The following CROCC2 variants were observed in gnomAD, a reference collection of about 807,000 sequenced individuals.
CROCC2 encodes the protein ciliary rootlet coiled-coil protein 2.
CROCC2 carries 163 observed loss-of-function variants against 177.6 expected under a neutral mutation model. The ratio of observed to expected loss-of-function variants is 0.92; its 90% CI spans 0.81 to 1.05. The LOEUF (loss-of-function observed/expected upper bound fraction) is 1.05. Among genes scored for constraint, CROCC2 ranks in the 50% least tolerant of loss-of-function variants. The pLI, the probability that CROCC2 is intolerant of heterozygous loss-of-function variation, is 0.00. For synonymous variants in CROCC2, 904 were observed against 787.3 expected (o/e 1.15, Z -2.48); for missense variants, 1,929 against 1,797.8 (o/e 1.07, Z -1.32).
At chr2:240,936,268 C>T (rs957549978) in intron 14 of CROCC2, among the ~76,000 whole-genome samples, 3 of 152,154 alleles carry the variant, frequency 2.0e-5, no homozygotes, top group East Asian at 3.9e-4. Flanking sequence ...GCCAGGTAGC[C>T]GCCACCAGGA....
In CROCC2 at chr2:240,918,658, G is replaced by T; in HGVS notation, c.79-68G>T. On this transcript the variant is annotated intron_variant, in intron 1 of 31. Coordinates refer to ENST00000690015, the MANE Select transcript of CROCC2 (RefSeq NM_001351305.2). This position sits in a 1 kb window ranked among gnomAD's most constrained non-coding sequence, Gnocchi z 6.3. ...CCCTGTGGCGGCTCCCATTCAGTGG[G>T]ATCGTAGAGGGTGCCTGGCAGCTGT... 1.9e-6 allele frequency: 1 copy of T among 524,710 alleles called. No individual in the cohort carries two copies. The allele number at this position is 524,710 out of a possible 1,614,324, so 32.5% of individuals were successfully genotyped here.
chr2:240,933,853 G>T lies in CROCC2; in HGVS notation c.1646+1G>T. 1 of 1,542,092 alleles carries T rather than the reference G, an allele frequency of 6.5e-7. No homozygotes were observed. The highest frequency in any genetic ancestry group is 8.8e-7 in the Non-Finnish European group (1 of 1,142,556). The stretch of plus-strand genomic sequence containing the variant: ...GGAGCTGCAGGGCACTGGAGACCAG[G>T]TGCGCGGCCGTGGCTGGGTGGGCAG... On this transcript the variant is annotated splice_donor_variant, in intron 11 of 31. Coordinates refer to ENST00000690015, the MANE Select transcript of CROCC2 (RefSeq NM_001351305.2). LOFTEE classifies it high-confidence loss of function.
In CROCC2 at chr2:240,949,613, G is replaced by A. The variant is rs754680243; in HGVS notation, c.2563G>A (p.Val855Met). Residue 855 changes from valine to methionine, a missense_variant, in exon 17 of 32, where the codon GTG (valine) becomes ATG (methionine). Transcript: ENST00000690015. The surrounding 1 kb of genome is among the most constrained non-coding windows in gnomAD (Gnocchi z 4.5). ...GGACACGGTGCGGCTCCAGCGACAG[G>A]TGGCACAGCAGGAGCGGGAGGCACA... ...RQDTVRLQRQ[V>M]AQQEREAQRA... 183 of 1,550,428 alleles carry A rather than the reference G, an allele frequency of 1.2e-4. No homozygotes were observed. Among genetic ancestry groups the A allele is most frequent in the Non-Finnish European group, 2.2e-5 (25 of 1,146,966 alleles).
In CROCC2 at chr2:240,958,522, C is replaced by T. The variant is rs879903923; in HGVS notation, c.2944-779C>T. ...TGGCACAGGGGCAGCCATGTGGGCA[C>T]CTGTGCCCCCAGGAACACAAAGCCA... is the stretch of plus-strand genomic sequence containing the variant. On this transcript the variant is annotated intron_variant, in intron 19 of 31. Coordinates refer to ENST00000690015, the MANE Select transcript of CROCC2 (RefSeq NM_001351305.2). This position sits in a 1 kb window ranked among gnomAD's most constrained non-coding sequence, Gnocchi z 6.7. 66 of 976,772 alleles carry T rather than the reference C, an allele frequency of 6.8e-5. No individual in the cohort carries two copies. The highest frequency in any genetic ancestry group is 7.7e-5 in the Non-Finnish European group (63 of 822,134). The allele number at this position is 976,772 out of a possible 1,614,324, so 60.5% of individuals were successfully genotyped here. A position where few individuals can be genotyped will look rare whatever the true frequency, so the allele number is the denominator to read the frequency against.
At chr2:240,970,918 G>A (rs956637217) in intron 27 of CROCC2, among the ~76,000 whole-genome samples, 2 of 152,200 alleles carry the variant, frequency 1.3e-5, no homozygotes, top group African/African-American at 4.8e-5. Flanking sequence ...TCATGGGGTA[G>A]GCTGGGCCAC....
intron 15 of CROCC2, among the ~76,000 whole-genome samples, chr2:240,947,777 GGAGTC>G (rs2059532053): frequency 6.6e-6 from 1 of 152,102 alleles, no homozygotes; most frequent in Non-Finnish European, 1.5e-5. Flanking sequence ...CTCCCTTCAT[GGAGTC>G]CTGGCCCACT....
intron 10 of CROCC2, 57 bp from the exon 11 acceptor site, chr2:240,933,613 C>G (rs576603682): frequency 2.6e-5 from 39 of 1,515,322 alleles, no homozygotes; most frequent in Admixed American, 1.8e-4. Flanking sequence ...CACCAAGGCA[C>G]GCGGTGCACC....
rs553373051 is a variant in CROCC2 at position 240,917,358 on chromosome 2, G to A, written c.79-1368G>A. Among the ~76,000 whole-genome samples, 1 of 152,254 alleles carries A rather than the reference G, an allele frequency of 6.6e-6. No individual in the cohort carries two copies. The highest frequency in any genetic ancestry group is 1.9e-4 in the East Asian group (1 of 5,170). On this transcript the variant is annotated intron_variant, in intron 1 of 31. Transcript: ENST00000690015. This position sits in a 1 kb window ranked among gnomAD's most constrained non-coding sequence, Gnocchi z 4.9. ...GGAGGCCTGTGTCCAGGGAGCATCCGGGATAGCCAGACAGCATGCACCAGG... is the reference window on the plus strand; with the variant it reads ...GGAGGCCTGTGTCCAGGGAGCATCCAGGATAGCCAGACAGCATGCACCAGG...
At position 240,925,711 on chromosome 2, in the gene CROCC2, G is replaced by T; in HGVS notation, c.489-13G>T. The T allele has an allele frequency of 7.0e-6, 5 of 710,002 alleles. No homozygotes were observed. The highest frequency in any genetic ancestry group is 1.3e-5 in the Non-Finnish European group (5 of 381,440). 44.0% of individuals were successfully genotyped at this position (710,002 alleles called of 1,614,324 possible). ...TTCCTACCCCCACCATGCCCTGTGG[G>T]TTCTCTGTCCAGGAGCACCGGCCTC... is the stretch of plus-strand genomic sequence containing the variant. On this transcript the variant is annotated splice_polypyrimidine_tract_variant and intron_variant, in intron 4 of 31. Coordinates refer to ENST00000690015, the MANE Select transcript of CROCC2 (RefSeq NM_001351305.2).
chr2:240,991,240 G>A lies in CROCC2; in HGVS notation c.4908G>A (p.Arg1636=). 3 of 1,548,448 alleles carry A rather than the reference G, an allele frequency of 1.9e-6. No individual in the cohort carries two copies. The highest frequency in any genetic ancestry group is 2.6e-6 in the Non-Finnish European group (3 of 1,145,958). The change falls in exon 31 of 32, where the codon CGG becomes CGA. Residue 1636 remains arginine, a synonymous_variant. Transcript: ENST00000690015. ...AACTGGACCAGGAAGTGCAGTGGCG[G>A]CAACAGGCCCACCTCGGCCAGGCCT... The part of the protein sequence containing the change: ...KEQLDQEVQW[R]QQAHLGQAFQ...
chr2:240,986,019 G>C (rs1187762994), intron 28 of CROCC2: 1 of 452,736 alleles, frequency 2.2e-6, no homozygotes, highest in Non-Finnish European at 4.5e-6. Flanking sequence ...TGCACAGTTG[G>C]GCTCCTCCCT....
rs1160592254 is a variant in CROCC2, at chr2:240,914,168, C to T, written c.79-4558C>T. Among the ~76,000 whole-genome samples, 4 of 152,186 alleles carry T rather than the reference C, an allele frequency of 2.6e-5. No homozygotes were observed. In the East Asian group the frequency reaches 5.8e-4, roughly 22 times the overall value. On this transcript the variant is annotated intron_variant, in intron 1 of 31. Coordinates refer to ENST00000690015, the MANE Select transcript of CROCC2 (RefSeq NM_001351305.2). The stretch of plus-strand genomic sequence containing the variant: ...CTGCAGTGGAGCCAAGTCCAGACAC[C>T]GCCGCTGGGAAGGCTCATCAGTGAC...
intron 3 of CROCC2, among the ~76,000 whole-genome samples, chr2:240,920,588 C>T (rs1171550762): frequency 6.6e-6 from 1 of 152,242 alleles, no homozygotes; most frequent in Non-Finnish European, 1.5e-5. Context: ...AGAGAAATGG[C>T]TCCACCCCAG....
In CROCC2 at chr2:240,958,973, G is replaced by A; in HGVS notation, c.2944-328G>A. On this transcript the variant is annotated intron_variant, in intron 19 of 31. Transcript: ENST00000690015. The surrounding 1 kb of genome is among the most constrained non-coding windows in gnomAD (Gnocchi z 6.7). ...CCAGCTGAGCTCAGTCCCAAATGGA[G>A]GGTAGAGCTGCCCAGTGTGTGGTGG... The A allele has an allele frequency of 8.6e-6, 2 of 232,640 alleles. No homozygotes were observed. Among genetic ancestry groups the A allele is most frequent in the East Asian group, 9.8e-5 (1 of 10,158 alleles). 14.4% of individuals were successfully genotyped at this position (232,640 alleles called of 1,614,324 possible). A position where few individuals can be genotyped will look rare whatever the true frequency, so the allele number is the denominator to read the frequency against.
chr2:240,971,160 G>A lies in CROCC2; in HGVS notation c.4401+2898G>A, dbSNP rs560873111. On this transcript the variant is annotated intron_variant, in intron 27 of 31. Coordinates refer to ENST00000690015, the MANE Select transcript of CROCC2 (RefSeq NM_001351305.2). The stretch of plus-strand genomic sequence containing the variant: ...CATCTCCACGTGCCTCACACCTCAT[G>A]GCTCCCTTCTGCCGACACCCGAGGG... Among the ~76,000 whole-genome samples, 12 of 152,320 alleles carry A rather than the reference G, an allele frequency of 7.9e-5. No homozygotes were observed. In the South Asian group the frequency reaches 2.5e-3, roughly 32 times the overall value.
chr2:240,915,736 G>T (rs1346840239), intron 1 of CROCC2, among the ~76,000 whole-genome samples: 1 of 152,102 alleles, frequency 6.6e-6, no homozygotes, highest in East Asian at 1.9e-4. Flanking sequence ...CCCCCTCAGG[G>T]CCAGGATCGG....
intron 2 of CROCC2, 126 bp from the exon 3 acceptor site, chr2:240,919,857 G>A (rs998097839): frequency 1.0e-5 from 6 of 580,540 alleles, no homozygotes; most frequent in Non-Finnish European, 1.8e-5. Flanking sequence ...CCTCCCAGGA[G>A]ATGGGGGCAG....
chr2:240,959,794 G>A, intron 20 of CROCC2: 1 of 185,692 alleles, frequency 5.4e-6, no homozygotes, highest in South Asian at 1.4e-4. Flanking sequence ...GGGCCTGGCT[G>A]AGTCAGGTGG....
intron 20 of CROCC2, among the ~76,000 whole-genome samples, chr2:240,962,243 G>A (rs1351283050): frequency 7.1e-6 from 1 of 141,688 alleles, no homozygotes; most frequent in Non-Finnish European, 1.5e-5. Context: ...TGATTTGGCC[G>A]TAAAATTCCT....
Sources: gnomAD v4.1 joint callset for allele counts (sites outside exome capture counted in the v4.1 genomes callset) on GRCh38, gnomAD v4.1.1 for gene constraint, Gnocchi (gnomAD v3.1) non-coding constraint, MANE v1.5 for transcripts, NCBI Gene and HGNC (gene_info 2026-07-23, HGNC 2026-07-21) for gene names.